The following RNF168 variants were observed in gnomAD, a reference collection of about 807,000 sequenced individuals.
RNF168 encodes the protein E3 ubiquitin-protein ligase RNF168.
RNF168 carries 34 observed loss-of-function variants against 34.9 expected under a neutral mutation model. The observed-to-expected ratio is 0.97, with a 90% CI of 0.74 to 1.30. The LOEUF (loss-of-function observed/expected upper bound fraction) is 1.30. Among genes scored for constraint, RNF168 ranks in the 50% most tolerant of loss-of-function variants. The pLI is 0.00. For missense variants in RNF168, 725 were observed against 682.5 expected, an observed-to-expected ratio of 1.06 and a Z score of -0.69; for synonymous variants, 264 against 254.7, an observed-to-expected ratio of 1.04 and a Z score of -0.35.
chr3:196,501,008 GC>G (rs1347783458), intron 1 of RNF168, among the ~76,000 whole-genome samples: 1 of 152,236 alleles, frequency 6.6e-6, no homozygotes, highest in Non-Finnish European at 1.5e-5. Flanking sequence ...GCCGCGCCCG[GC>G]CCCGCAATTT....
chr3:196,484,171 C>CTTATTTT (rs1732363368), intron 3 of RNF168, among the ~76,000 whole-genome samples: 1 of 119,462 alleles, frequency 8.4e-6, no homozygotes, highest in Admixed American at 9.1e-5. Context: ...TCTTTCTTTC[C>CTTATTTT]TTTTTTTTTT....
chr3:196,484,282 C>G (rs1294011577), intron 3 of RNF168, among the ~76,000 whole-genome samples: 1 of 149,736 alleles, frequency 6.7e-6, no homozygotes, highest in African/African-American at 2.5e-5. Context: ...TGCCATTCTC[C>G]TGCCTCAGCC....
At chr3:196,493,134 T>C (rs1732636481) in intron 1 of RNF168, among the ~76,000 whole-genome samples, 1 of 152,132 alleles carries the variant, frequency 6.6e-6, no homozygotes, top group South Asian at 2.1e-4. Context: ...GTGTCCAGAA[T>C]ATAACTAGAA....
chr3:196,489,126 G>A (rs1325278586), intron 1 of RNF168, among the ~76,000 whole-genome samples: 1 of 152,124 alleles, frequency 6.6e-6, no homozygotes, highest in Non-Finnish European at 1.5e-5. Context: ...AAAGTGCTGC[G>A]ATTACAGGTG....
chr3:196,484,024 C>T, intron 3 of RNF168, 133 bp from the exon 4 acceptor site: 1 of 698,856 alleles, frequency 1.4e-6, no homozygotes, highest in Non-Finnish European at 2.5e-6. Context: ...CTGTACATCT[C>T]TTGAAGAATA....
At chr3:196,495,141 G>C (rs779038370) in intron 1 of RNF168, among the ~76,000 whole-genome samples, 8 of 152,002 alleles carry the variant, frequency 5.3e-5, no homozygotes, top group Non-Finnish European at 8.8e-5. Context: ...CCTGCATTTA[G>C]ATTCATGAAG....
rs143276162 is a variant in RNF168, at chr3:196,472,316, T to C, written c.1219A>G (p.Arg407Gly). Reference protein sequence around the residue: ...AVKDPCFSAKRRKVSPESSPD... With the variant: ...AVKDPCFSAKGRKVSPESSPD... The stretch of plus-strand genomic sequence containing the variant: ...GAAGATTCGGGGGACACTTTTCTTC[T>C]TTTTGCAGAAAAGCATGGATCCTTG... The change falls in exon 6 of 6, where the codon AGA (arginine) becomes GGA (glycine). Residue 407 changes from arginine to glycine, a missense_variant. Arg to Gly is a moderately radical substitution (Grantham distance 125). Transcript: ENST00000318037. The C allele has an allele frequency of 2.5e-6, 4 of 1,613,894 alleles. No homozygotes were observed. Among genetic ancestry groups the C allele is most frequent in the African/African-American group, 1.3e-5 (1 of 74,930 alleles).
At chr3:196,476,103 G>A (rs928111260) in intron 4 of RNF168, among the ~76,000 whole-genome samples, 18 of 151,764 alleles carry the variant, frequency 1.2e-4, no homozygotes, top group East Asian at 1.9e-4. Context: ...CAGGTGATCC[G>A]CCTGTCTCAG....
intron 4 of RNF168, 95 bp downstream of exon 4, chr3:196,483,675 G>A: frequency 9.2e-7 from 1 of 1,084,646 alleles, no homozygotes; most frequent in Non-Finnish European, 1.4e-6. Flanking sequence ...AAAGTTCACG[G>A]ACCAAACTTT....
chr3:196,495,176 C>CGTGTGTGTGT (rs34914417), intron 1 of RNF168, among the ~76,000 whole-genome samples: 44 of 150,036 alleles, frequency 2.9e-4, no homozygotes, highest in African/African-American at 1.1e-3. Context: ...CATTGCCTTT[C>CGTGTGTGTGT]GTGTGTGTGT....
chr3:196,487,030 GC>G (rs1030352794), intron 3 of RNF168, among the ~76,000 whole-genome samples: 1 of 152,180 alleles, frequency 6.6e-6, no homozygotes, highest in African/African-American at 2.4e-5. Context: ...ACTCCAACCT[GC>G]ATGACAGAGT....
In RNF168 at chr3:196,475,155, T is replaced by C. The variant is rs1237734534; in HGVS notation, c.762+76A>G. On this transcript the variant is annotated intron_variant, in intron 5 of 5. Transcript: ENST00000318037. The stretch of plus-strand genomic sequence containing the variant: ...AACTATAGGGGCTTTTGTTAAAAGG[T>C]AGAAAACTATGGATAGCACTAATCT... 1.8e-5 allele frequency: 15 copies of C among 854,660 alleles called. No individual in the cohort carries two copies. The East Asian group carries it at 3.5e-4, about 20-fold the overall frequency. The allele number at this position is 854,660 out of a possible 1,614,324, so 52.9% of individuals were successfully genotyped here.
At chr3:196,482,796 T>C (rs1338243197) in intron 4 of RNF168, among the ~76,000 whole-genome samples, 1 of 152,222 alleles carries the variant, frequency 6.6e-6, no homozygotes, top group Non-Finnish European at 1.5e-5. Context: ...TTATTTGTCT[T>C]CTGTTGTTGA....
chr3:196,501,312 G>A (rs1363342593), intron 1 of RNF168, among the ~76,000 whole-genome samples: 1 of 151,998 alleles, frequency 6.6e-6, no homozygotes, highest in Non-Finnish European at 1.5e-5. Flanking sequence ...ATAACGAAAA[G>A]GTGAAAAAAA....
chr3:196,484,811 C>T (rs1396526518), intron 3 of RNF168, among the ~76,000 whole-genome samples: 2 of 152,090 alleles, frequency 1.3e-5, no homozygotes, highest in African/African-American at 4.8e-5. Flanking sequence ...TGCCACCATG[C>T]CCAGCTACTT....
rs929557479 is a variant in RNF168, at chr3:196,499,154, T to C, written c.301+3719A>G. ...AAAGAGTACAGAGCCTTTAATCCAA[T>C]ATAACTAGTGTCCTGGTAAAAAAAA... On this transcript the variant is annotated intron_variant, in intron 1 of 5. Coordinates refer to ENST00000318037, the MANE Select transcript of RNF168 (RefSeq NM_152617.4). Among the ~76,000 whole-genome samples the C allele has an allele frequency of 2.0e-5, 3 of 151,642 alleles. No individual in the cohort carries two copies. The East Asian group carries it at 5.8e-4, about 29-fold the overall frequency.
chr3:196,470,865 G>A lies in RNF168; in HGVS notation c.*954C>T, dbSNP rs918561620. 3.9e-5 allele frequency: 6 copies of A among 152,346 alleles called. No homozygotes were observed. Among genetic ancestry groups the A allele is most frequent in the African/African-American group, 1.4e-4 (6 of 41,422 alleles). 9.4% of individuals were successfully genotyped at this position (152,346 alleles called of 1,614,324 possible). A position where few individuals can be genotyped will look rare whatever the true frequency, so the allele number is the denominator to read the frequency against. ...AACCCTGATTTTCTGATTTAACACT[G>A]ATTCGAATCCACTTTAAACCAAAGG... is the stretch of plus-strand genomic sequence containing the variant. On this transcript the variant is annotated 3_prime_UTR_variant, in exon 6 of 6. Coordinates refer to ENST00000318037, the MANE Select transcript of RNF168 (RefSeq NM_152617.4).
At position 196,469,808 on chromosome 3, in the gene RNF168, C is replaced by T. The variant is rs1365681630; in HGVS notation, c.*2011G>A. ...AAACACGTGGTTATGTTTCAGGTTC[C>T]ACAACATAAGACACTGTGAGGTAAC... On this transcript the variant is annotated 3_prime_UTR_variant, in exon 6 of 6. Transcript: ENST00000318037. 1 of 152,192 alleles carries T rather than the reference C, an allele frequency of 6.6e-6. No individual in the cohort carries two copies. The highest frequency in any genetic ancestry group is 2.4e-5 in the African/African-American group (1 of 41,454). 9.4% of individuals were successfully genotyped at this position (152,192 alleles called of 1,614,324 possible). A position where few individuals can be genotyped will look rare whatever the true frequency, so the allele number is the denominator to read the frequency against.
At position 196,471,288 on chromosome 3, in the gene RNF168, A is replaced by AAAAC. The variant is rs1200794138; in HGVS notation, c.*527_*530dup. ...ATTTTGAAACTCCGTCTAAAAAAAA[A>AAAAC]AAACAAACACCAAAGGAAATGCTAC... On this transcript the variant is annotated 3_prime_UTR_variant, in exon 6 of 6. Transcript: ENST00000318037. 1 of 151,648 alleles carries AAAAC rather than the reference A, an allele frequency of 6.6e-6. No individual in the cohort carries two copies. The highest frequency in any genetic ancestry group is 2.4e-5 in the African/African-American group (1 of 41,366). The allele number at this position is 151,648 out of a possible 1,614,324, so 9.4% of individuals were successfully genotyped here.
Sources: allele counts gnomAD v4.1 joint callset (sites outside exome capture counted in the v4.1 genomes callset), GRCh38; gene constraint gnomAD v4.1.1; transcripts MANE v1.5; gene names NCBI Gene and HGNC (gene_info 2026-07-23, HGNC 2026-07-21).